WDR64: variants seen among roughly 807,000 people sequenced by gnomAD.
WDR64 encodes the protein WD repeat domain 64.
In WDR64, 112 loss-of-function variants were observed where a neutral mutation model predicts 139.3. The observed-to-expected ratio is 0.80, with a 90% CI of 0.69 to 0.94. The LOEUF (loss-of-function observed/expected upper bound fraction) is 0.94. WDR64 is among the 40% of genes least tolerant of loss of function. The pLI is 0.00. For synonymous variants in WDR64, 444 were observed against 437.7 expected, an observed-to-expected ratio of 1.01 and a Z score of -0.18; for missense variants, 1,206 against 1,293.1, an observed-to-expected ratio of 0.93 and a Z score of 1.03.
At chr1:241,751,928 C>T (rs1406169469) in intron 14 of WDR64, among the ~76,000 whole-genome samples, 1 of 152,084 alleles carries the variant, frequency 6.6e-6, no homozygotes, top group Non-Finnish European at 1.5e-5. Context: ...AAAAATTTGC[C>T]CCCAAGCCAT....
chr1:241,741,625 T>C lies in WDR64; in HGVS notation c.1431T>C (p.Phe477=). The change falls in exon 12 of 28, where the codon TTT becomes TTC. Residue 477 remains phenylalanine (F), a synonymous_variant. Transcript: ENST00000437684. ...EINVMLYNKY[F]HQVLTICSES... ...ATGTCATGCTTTACAACAAATATTTTCATCAAGTACTCACTATCTGCTCTG... is the reference window on the plus strand; with the variant it reads ...ATGTCATGCTTTACAACAAATATTTCCATCAAGTACTCACTATCTGCTCTG... The C allele has an allele frequency of 6.2e-7, 1 of 1,613,058 alleles. No homozygotes were observed. Among genetic ancestry groups the C allele is most frequent in the Non-Finnish European group, 8.5e-7 (1 of 1,179,844 alleles).
At chr1:241,792,380 C>G (rs965210442) in intron 25 of WDR64, among the ~76,000 whole-genome samples, 1 of 151,874 alleles carries the variant, frequency 6.6e-6, no homozygotes, top group African/African-American at 2.4e-5. Flanking sequence ...ACTAAAAATA[C>G]AAAAAATCAG....
chr1:241,771,706 G>C lies in WDR64; in HGVS notation c.2290+9G>C. Reference sequence around the variant, plus strand: ...TGACAGTGAGGTTAAAGGTCAGTATGAAATCACCTCTCTTCTTTATAATAA... The same window carrying C: ...TGACAGTGAGGTTAAAGGTCAGTATCAAATCACCTCTCTTCTTTATAATAA... On this transcript the variant is annotated intron_variant, in intron 19 of 27. Transcript: ENST00000437684. 1 of 1,464,648 alleles carries C rather than the reference G, an allele frequency of 6.8e-7. No individual in the cohort carries two copies. Among genetic ancestry groups the C allele is most frequent in the African/African-American group, 1.4e-5 (1 of 70,002 alleles). The allele number at this position is 1,464,648 out of a possible 1,614,324, so 90.7% of individuals were successfully genotyped here.
intron 3 of WDR64, 76 bp downstream of exon 3, chr1:241,671,252 C>A: frequency 9.9e-7 from 1 of 1,007,466 alleles, no homozygotes; most frequent in Non-Finnish European, 1.5e-6. Flanking sequence ...CTATATTTTC[C>A]ATAGAATCAC....
intron 23 of WDR64, among the ~76,000 whole-genome samples, chr1:241,786,017 A>C (rs994142100): frequency 6.6e-6 from 1 of 152,224 alleles, no homozygotes; most frequent in Non-Finnish European, 1.5e-5. Flanking sequence ...GAATAAATTT[A>C]GAATTGTTCC....
chr1:241,704,305 A>G lies in WDR64; in HGVS notation c.975-7497A>G, dbSNP rs184911298. 3.8e-4 allele frequency among the ~76,000 whole-genome samples: 58 copies of G among 152,342 alleles called. No homozygotes were observed. The East Asian group carries it at 0.011, about 29-fold the overall frequency. ...CTGATATCTCAATGCACTGGAAAGT[A>G]TATGAAAAAACGCTCTTCACTCTTA... On this transcript the variant is annotated intron_variant, in intron 8 of 27. Coordinates refer to ENST00000437684, the MANE Select transcript of WDR64 (RefSeq NM_001367482.1).
chr1:241,714,238 A>G (rs745484557), intron 9 of WDR64, among the ~76,000 whole-genome samples: 3 of 152,228 alleles, frequency 2.0e-5, no homozygotes, highest in Admixed American at 6.5e-5. Context: ...AAACATCAAG[A>G]AAGTGGCCTA....
chr1:241,771,372 T>C (rs1437735609), intron 18 of WDR64, among the ~76,000 whole-genome samples: 6 of 152,172 alleles, frequency 3.9e-5, no homozygotes, highest in Non-Finnish European at 8.8e-5. Flanking sequence ...TGGTTGTGAA[T>C]ACAATTAGAG....
chr1:241,705,533 C>T (rs1175189843), intron 8 of WDR64, among the ~76,000 whole-genome samples: 2 of 132,904 alleles, frequency 1.5e-5, no homozygotes, highest in East Asian at 2.1e-4. Flanking sequence ...TAGAGCAAGA[C>T]TCTGTCTCTA....
At chr1:241,801,090 G>A (rs1203091428) in intron 27 of WDR64, 42 bp from the exon 28 acceptor site, 1 of 1,547,686 alleles carries the variant, frequency 6.5e-7, no homozygotes, top group South Asian at 1.1e-5. Context: ...GTGTTTGTCA[G>A]TAGAATGCCA....
Position 241,796,314 on chromosome 1 carries a change from G to T in WDR64, c.3136G>T (p.Asp1046Tyr), listed in dbSNP as rs753125774. 4.3e-5 allele frequency: 70 copies of T among 1,613,718 alleles called. No individual in the cohort carries two copies. The highest frequency in any genetic ancestry group is 5.9e-5 in the Non-Finnish European group (70 of 1,179,898). The change falls in exon 27 of 28, where the codon GAC (aspartate) becomes TAC (tyrosine). Residue 1046 changes from aspartate (D) to tyrosine (Y), a missense_variant. Transcript: ENST00000437684. The part of the protein sequence containing the change: ...LPLIGVEAQK[D>Y]SSDGITGKKK... ...ACTGATTGGCGTAGAAGCCCAAAAGGACTCTTCAGATGGCATTACAGGAAA... is the reference window on the plus strand; with the variant it reads ...ACTGATTGGCGTAGAAGCCCAAAAGTACTCTTCAGATGGCATTACAGGAAA...
intron 3 of WDR64, among the ~76,000 whole-genome samples, chr1:241,673,797 A>G (rs1666342531): frequency 1.3e-5 from 2 of 152,204 alleles, no homozygotes; most frequent in Non-Finnish European, 2.9e-5. Context: ...GTGCATGGCC[A>G]TAGAAACATA....
At chr1:241,706,352 C>A (rs1359264802) in intron 8 of WDR64, among the ~76,000 whole-genome samples, 1 of 152,220 alleles carries the variant, frequency 6.6e-6, no homozygotes, top group Non-Finnish European at 1.5e-5. Flanking sequence ...AGAAGATTTG[C>A]TGTTGGGGCG....
At chr1:241,685,698 C>T (rs1022698253) in intron 7 of WDR64, among the ~76,000 whole-genome samples, 1 of 152,126 alleles carries the variant, frequency 6.6e-6, no homozygotes, top group African/African-American at 2.4e-5. Flanking sequence ...TAAGACTAGT[C>T]CCATTGCTGG....
At chr1:241,782,727 G>A (rs935776788) in intron 22 of WDR64, among the ~76,000 whole-genome samples, 2 of 152,048 alleles carry the variant, frequency 1.3e-5, no homozygotes, top group Admixed American at 1.3e-4. Flanking sequence ...TGATGTTTTT[G>A]AAAGAGAATG....
intron 12 of WDR64, among the ~76,000 whole-genome samples, chr1:241,742,887 G>A (rs1434726520): frequency 6.6e-6 from 1 of 152,146 alleles, no homozygotes; most frequent in African/African-American, 2.4e-5. Context: ...GGCCACTGAA[G>A]TCATCCGGCA....
intron 15 of WDR64, among the ~76,000 whole-genome samples, chr1:241,762,128 A>C (rs1236570613): frequency 6.6e-6 from 1 of 152,188 alleles, no homozygotes. Context: ...TATGGCAGCT[A>C]TAGCCTTACA....
At chr1:241,746,101 T>C (rs539163986) in intron 13 of WDR64, among the ~76,000 whole-genome samples, 164 of 152,314 alleles carry the variant, frequency 1.1e-3, no homozygotes, top group African/African-American at 3.8e-3. Flanking sequence ...ACCACAGTGC[T>C]GGGTATATAG....
intron 10 of WDR64, among the ~76,000 whole-genome samples, chr1:241,730,134 A>T (rs1669021632): frequency 6.6e-6 from 1 of 152,222 alleles, no homozygotes; most frequent in East Asian, 1.9e-4. Flanking sequence ...GTGAGGGCAC[A>T]TGCTTTGGAA....
Sources: gnomAD v4.1 joint callset for allele counts (sites outside exome capture counted in the v4.1 genomes callset) on GRCh38, gnomAD v4.1.1 for gene constraint, MANE v1.5 for transcripts, NCBI Gene and HGNC (gene_info 2026-07-23, HGNC 2026-07-21) for gene names.